The following NRG1 variants were observed in gnomAD, a reference collection of about 807,000 sequenced individuals.
The protein encoded by NRG1 is pro-neuregulin-1, membrane-bound isoform.
A neutral mutation model predicts 63.8 loss-of-function variants in NRG1; 18 were observed. That is an observed-to-expected ratio of 0.28 (90% CI 0.19 to 0.42). The LOEUF (loss-of-function observed/expected upper bound fraction) is 0.42, where lower values mean the gene tolerates loss of function less well. Among genes scored for constraint, NRG1 ranks in the 10% least tolerant of loss-of-function variants. NRG1 has a pLI of 1.00. For synonymous variants in NRG1, 302 were observed against 301.3 expected (o/e 1.00, Z -0.02); for missense variants, 762 against 814.7 (o/e 0.94, Z 0.79).
At chr8:31,677,808 T>C (rs773804907) in intron 1 of NRG1, among the ~76,000 whole-genome samples, 2 of 152,198 alleles carry the variant, frequency 1.3e-5, no homozygotes, top group Non-Finnish European at 2.9e-5. Flanking sequence ...ATTTTACTTT[T>C]ATTTGTCAGT....
At position 31,640,161 on chromosome 8, in the gene NRG1, C is replaced by A; in HGVS notation, c.37+730C>A. The A allele has an allele frequency of 8.5e-7, 1 of 1,181,358 alleles. No homozygotes were observed. Among genetic ancestry groups the A allele is most frequent in the Non-Finnish European group, 1.0e-6 (1 of 955,530 alleles). 73.2% of individuals were successfully genotyped at this position (1,181,358 alleles called of 1,614,324 possible). On this transcript the variant is annotated intron_variant, in intron 1 of 10. Coordinates refer to the NRG1 transcript ENST00000519301. This position sits in a 1 kb window ranked among gnomAD's most constrained non-coding sequence, Gnocchi z 6.3. ...GCAACGAGGCGGCTCCCGCGGGGGCCTCGGTGTGCTACTCGTCCCCGCCCA... is the reference window on the plus strand; with the variant it reads ...GCAACGAGGCGGCTCCCGCGGGGGCATCGGTGTGCTACTCGTCCCCGCCCA...
intron 1 of NRG1, among the ~76,000 whole-genome samples, chr8:32,312,649 C>T (rs1479477816): frequency 2.0e-5 from 3 of 152,052 alleles, no homozygotes; most frequent in Non-Finnish European, 2.9e-5. Flanking sequence ...GACCGTCTTG[C>T]TCCGTTAGGA....
intron 1 of NRG1, among the ~76,000 whole-genome samples, chr8:32,554,795 A>C (rs777224007): frequency 2.6e-5 from 4 of 152,170 alleles, no homozygotes; most frequent in Non-Finnish European, 5.9e-5. Flanking sequence ...CTGCCTCTAC[A>C]TAAGAGCAGA....
chr8:32,700,341 C>T (rs2128957896), intron 5 of NRG1, among the ~76,000 whole-genome samples: 1 of 151,934 alleles, frequency 6.6e-6, no homozygotes, highest in African/African-American at 2.4e-5. Flanking sequence ...AATGATAGGG[C>T]AAAAATGAAT....
At chr8:32,074,077 TTAA>T (rs1302568704) in intron 1 of NRG1, among the ~76,000 whole-genome samples, 12 of 152,300 alleles carry the variant, frequency 7.9e-5, no homozygotes, top group African/African-American at 2.6e-4. Flanking sequence ...ACTTTCACAG[TTAA>T]TAATAATTTC....
chr8:32,127,055 A>G (rs948342807), intron 1 of NRG1, among the ~76,000 whole-genome samples: 1 of 151,884 alleles, frequency 6.6e-6, no homozygotes, highest in Non-Finnish European at 1.5e-5. Flanking sequence ...TTTTGTATTA[A>G]TGTAGTTGGG....
At chr8:31,711,933 C>A (rs528291821) in intron 1 of NRG1, among the ~76,000 whole-genome samples, 1 of 152,240 alleles carries the variant, frequency 6.6e-6, no homozygotes, top group South Asian at 2.1e-4. Context: ...AATCACCTCC[C>A]AAAGGTCCCA....
intron 1 of NRG1, among the ~76,000 whole-genome samples, chr8:32,485,816 T>C (rs1010727732): frequency 6.6e-6 from 1 of 152,244 alleles, no homozygotes; most frequent in Non-Finnish European, 1.5e-5. Flanking sequence ...ATAATACGTC[T>C]TATTTAGGTG....
At chr8:31,924,923 G>T (rs1265711552) in intron 1 of NRG1, among the ~76,000 whole-genome samples, 1 of 151,222 alleles carries the variant, frequency 6.6e-6, no homozygotes, top group African/African-American at 2.4e-5. Context: ...TTATTTTTCT[G>T]TATTTGAGTT....
chr8:32,334,791 T>C (rs1803053993), intron 1 of NRG1, among the ~76,000 whole-genome samples: 1 of 152,224 alleles, frequency 6.6e-6, no homozygotes, highest in African/African-American at 2.4e-5. Context: ...TGTTTTCTGT[T>C]CTCTACCACA....
At chr8:32,685,922 AC>A (rs1213348680) in intron 5 of NRG1, among the ~76,000 whole-genome samples, 1 of 152,236 alleles carries the variant, frequency 6.6e-6, no homozygotes, top group Non-Finnish European at 1.5e-5. Flanking sequence ...ATCTGATGCT[AC>A]TTTCAAACAT....
chr8:32,275,485 T>G lies in NRG1; in HGVS notation c.38-320343T>G, dbSNP rs7845146. Among the ~76,000 whole-genome samples, 422 of 151,902 alleles carry G rather than the reference T, an allele frequency of 2.8e-3. 2 individuals are homozygous for G. The highest frequency in any genetic ancestry group is 9.7e-3 in the African/African-American group (402 of 41,406). The stretch of plus-strand genomic sequence containing the variant: ...CTCAGAAGTGCATTATCTACAGTGG[T>G]CAGGGAAGCCTCTCCAGTGAAAGGA... On this transcript the variant is annotated intron_variant, in intron 1 of 10. Coordinates refer to the NRG1 transcript ENST00000519301.
chr8:31,802,640 G>T (rs1195904411), intron 1 of NRG1, among the ~76,000 whole-genome samples: 1 of 152,036 alleles, frequency 6.6e-6, no homozygotes, highest in African/African-American at 2.4e-5. Context: ...CATCCTACTG[G>T]GCATAATTCT....
chr8:32,164,776 G>A (rs1236289682), intron 1 of NRG1, among the ~76,000 whole-genome samples: 1 of 152,088 alleles, frequency 6.6e-6, no homozygotes, highest in East Asian at 1.9e-4. Context: ...AACCAGCATT[G>A]ATCCAATTTT....
chr8:32,237,370 T>C (rs1847672752), intron 1 of NRG1, among the ~76,000 whole-genome samples: 1 of 152,180 alleles, frequency 6.6e-6, no homozygotes, highest in South Asian at 2.1e-4. Context: ...CAACATCCCC[T>C]GGAACATAAT....
intron 1 of NRG1, among the ~76,000 whole-genome samples, chr8:31,757,960 C>A (rs979173010): frequency 1.3e-5 from 2 of 152,052 alleles, no homozygotes; most frequent in African/African-American, 2.4e-5. Flanking sequence ...CTCATAGAGG[C>A]AACCACTGAT....
At chr8:31,964,675 C>T (rs1215669096) in intron 1 of NRG1, among the ~76,000 whole-genome samples, 1 of 152,026 alleles carries the variant, frequency 6.6e-6, no homozygotes, top group African/African-American at 2.4e-5. Flanking sequence ...AATAACAAAA[C>T]ACAGCAAGGA....
intron 1 of NRG1, among the ~76,000 whole-genome samples, chr8:32,465,458 A>T (rs2129489740): frequency 6.6e-6 from 1 of 152,360 alleles, no homozygotes; most frequent in East Asian, 1.9e-4. Context: ...TATTTAAGAA[A>T]GTAGTTTTTG....
intron 1 of NRG1, among the ~76,000 whole-genome samples, chr8:32,481,487 G>A (rs142645608): frequency 6.6e-5 from 10 of 152,364 alleles, no homozygotes; most frequent in African/African-American, 2.4e-4. Context: ...AGCAAGAAAA[G>A]TTAGCCATTA....
Sources: allele counts gnomAD v4.1 joint callset (sites outside exome capture counted in the v4.1 genomes callset), GRCh38; gene constraint gnomAD v4.1.1; non-coding constraint Gnocchi (gnomAD v3.1); transcripts MANE v1.5; gene names NCBI Gene and HGNC (gene_info 2026-07-23, HGNC 2026-07-21).